CPQ: variants seen among roughly 807,000 people sequenced by gnomAD.
The protein encoded by CPQ is carboxypeptidase Q.
In CPQ, 37 loss-of-function variants were observed where a neutral mutation model predicts 45.7. The ratio of observed to expected loss-of-function variants is 0.81; its 90% CI spans 0.62 to 1.07. The LOEUF is 1.07. Among genes scored for constraint, CPQ ranks in the 50% least tolerant of loss-of-function variants. CPQ has a pLI of 0.00. For synonymous variants in CPQ, 186 were observed against 205.8 expected, an observed-to-expected ratio of 0.90 and a Z score of 0.82; for missense variants, 537 against 572.9, an observed-to-expected ratio of 0.94 and a Z score of 0.64.
chr8:96,719,722 C>T (rs1389238045), intron 1 of CPQ, among the ~76,000 whole-genome samples: 3 of 152,212 alleles, frequency 2.0e-5, no homozygotes, highest in Non-Finnish European at 2.9e-5. Flanking sequence ...TCAGGAATGG[C>T]TTCCCTCTAT....
Position 96,784,996 on chromosome 8 carries a change from TGAAGAAATAAAA to T in CPQ, c.109_120del (p.Lys37_Ile40del), listed in dbSNP as rs1349888345. ...AGAATGGCATCTCTAAGAGGACTTT[TGAAGAAATAAAA>T]GAAGAAATAGCCAGCTGTGGAGATG... On this transcript the variant is annotated inframe_deletion, in exon 2 of 8. Coordinates refer to ENST00000220763, the MANE Select transcript of CPQ (RefSeq NM_016134.4). 6.2e-7 allele frequency: 1 copy of T among 1,613,778 alleles called. No individual in the cohort carries two copies. The highest frequency in any genetic ancestry group is 1.1e-5 in the South Asian group (1 of 91,076).
At chr8:96,779,215 C>T (rs1394507838) in intron 1 of CPQ, among the ~76,000 whole-genome samples, 1 of 152,012 alleles carries the variant, frequency 6.6e-6, no homozygotes, top group Non-Finnish European at 1.5e-5. Flanking sequence ...GTACCATTCC[C>T]TCTTCTCTGC....
At chr8:96,665,846 C>G (rs1275410181) in intron 1 of CPQ, among the ~76,000 whole-genome samples, 1 of 152,102 alleles carries the variant, frequency 6.6e-6, no homozygotes, top group East Asian at 1.9e-4. Flanking sequence ...GTGGAAATAA[C>G]TTTTATTTGC....
intron 1 of CPQ, among the ~76,000 whole-genome samples, chr8:96,778,469 T>C (rs2130803891): frequency 6.6e-6 from 1 of 152,312 alleles, no homozygotes; most frequent in South Asian, 2.1e-4. Flanking sequence ...ACCTATTTAT[T>C]GTTCACTTAT....
intron 5 of CPQ, among the ~76,000 whole-genome samples, chr8:96,976,247 C>CAAAAAAAAAAAAAAAAAAAAAAAAA (rs55864086): frequency 1.6e-5 from 1 of 60,832 alleles, no homozygotes; most frequent in Non-Finnish European, 2.9e-5. Context: ...CAATAGCTGA[C>CAAAAAAAAAAAAAAAAAAAAAAAAA]AAAAAAAAAA....
intron 1 of CPQ, among the ~76,000 whole-genome samples, chr8:96,743,208 C>T (rs965975006): frequency 3.9e-5 from 6 of 152,046 alleles, no homozygotes; most frequent in South Asian, 2.1e-4. Flanking sequence ...CTTCCCTTCT[C>T]GCTTCATTTC....
At chr8:96,873,417 G>A (rs1033445819) in intron 3 of CPQ, among the ~76,000 whole-genome samples, 1 of 151,234 alleles carries the variant, frequency 6.6e-6, no homozygotes, top group Non-Finnish European at 1.5e-5. Context: ...ATTAATGACA[G>A]TTTAAAAGTC....
intron 7 of CPQ, among the ~76,000 whole-genome samples, chr8:97,135,715 T>A (rs1238133602): frequency 6.6e-6 from 1 of 152,200 alleles, no homozygotes; most frequent in Non-Finnish European, 1.5e-5. Context: ...TACCCCAGAC[T>A]GTTCAAGATG....
At chr8:96,914,345 G>C (rs1051671253) in intron 4 of CPQ, among the ~76,000 whole-genome samples, 1 of 152,164 alleles carries the variant, frequency 6.6e-6, no homozygotes, top group African/African-American at 2.4e-5. Flanking sequence ...AGCAATGGAA[G>C]TAAGATTGTG....
intron 1 of CPQ, among the ~76,000 whole-genome samples, chr8:96,753,379 T>C (rs1368925295): frequency 1.3e-5 from 2 of 152,112 alleles, no homozygotes; most frequent in African/African-American, 2.4e-5. Flanking sequence ...TGAACTATTT[T>C]CACACACAAT....
intron 1 of CPQ, among the ~76,000 whole-genome samples, chr8:96,758,822 A>G (rs2130790170): frequency 6.6e-6 from 1 of 152,248 alleles, no homozygotes; most frequent in Admixed American, 6.5e-5. Context: ...TTTTATGTCC[A>G]AAGTCCTTCA....
intron 4 of CPQ, among the ~76,000 whole-genome samples, chr8:96,889,860 C>T (rs1266130867): frequency 6.6e-6 from 1 of 152,172 alleles, no homozygotes; most frequent in Non-Finnish European, 1.5e-5. Context: ...AGATGGTGCC[C>T]ACCCAGATTG....
intron 1 of CPQ, among the ~76,000 whole-genome samples, chr8:96,666,882 G>C (rs187698709): frequency 1.3e-5 from 2 of 152,210 alleles, no homozygotes; most frequent in East Asian, 1.9e-4. Flanking sequence ...CTCTTGGTGA[G>C]GTACCAGTGT....
intron 4 of CPQ, among the ~76,000 whole-genome samples, chr8:96,932,008 A>G (rs1812981602): frequency 6.6e-6 from 1 of 152,188 alleles, no homozygotes; most frequent in African/African-American, 2.4e-5. Context: ...AACTTGTTCC[A>G]ATGTTCCTTT....
At chr8:96,905,164 AAG>A (rs940852036) in intron 4 of CPQ, among the ~76,000 whole-genome samples, 26 of 151,534 alleles carry the variant, frequency 1.7e-4, no homozygotes, top group African/African-American at 5.1e-4. Context: ...TGACAGGAGA[AAG>A]AGAGAGAGAG....
intron 7 of CPQ, among the ~76,000 whole-genome samples, chr8:97,131,682 C>G (rs1811960334): frequency 6.6e-6 from 1 of 152,156 alleles, no homozygotes; most frequent in Admixed American, 6.5e-5. Flanking sequence ...TGGGCACACC[C>G]TCTCTAAAAT....
intron 5 of CPQ, among the ~76,000 whole-genome samples, chr8:96,976,237 C>T (rs904048028): frequency 1.5e-5 from 1 of 67,252 alleles, no homozygotes; most frequent in African/African-American, 5.6e-5. Context: ...ACCCCTTTCA[C>T]AATAGCTGAC....
chr8:96,946,096 T>A (rs2130329833), intron 4 of CPQ, among the ~76,000 whole-genome samples: 1 of 152,288 alleles, frequency 6.6e-6, no homozygotes, highest in Non-Finnish European at 1.5e-5. Flanking sequence ...AAAAGGTATA[T>A]CCCTGCTTAT....
At position 96,878,660 on chromosome 8, in the gene CPQ, CA is replaced by C. The variant is rs1812180071; in HGVS notation, c.642-1137del. 2.6e-5 allele frequency among the ~76,000 whole-genome samples: 4 copies of C among 152,152 alleles called. No individual in the cohort carries two copies. The South Asian group carries it at 8.3e-4, about 32-fold the overall frequency. ...AAATATGGCTACAACAATACAGTCA[CA>C]CCAAGAATGTAGTTAGAGATAAGAA... On this transcript the variant is annotated intron_variant, in intron 3 of 7. Coordinates refer to ENST00000220763, the MANE Select transcript of CPQ (RefSeq NM_016134.4).
Sources: gnomAD v4.1 joint callset for allele counts (sites outside exome capture counted in the v4.1 genomes callset) on GRCh38, gnomAD v4.1.1 for gene constraint, MANE v1.5 for transcripts, NCBI Gene and HGNC (gene_info 2026-07-23, HGNC 2026-07-21) for gene names.